The following CCDC157 variants were observed in gnomAD, a reference collection of about 807,000 sequenced individuals.
CCDC157 encodes coiled-coil domain-containing protein 157.
Under a neutral mutation model 70.9 loss-of-function variants are expected in CCDC157, and 60 were observed. That is an observed-to-expected ratio of 0.85 (90% CI 0.69 to 1.05). The LOEUF (loss-of-function observed/expected upper bound fraction) is 1.05. CCDC157 is among the 50% of genes least tolerant of loss of function. The pLI, the probability that CCDC157 is intolerant of heterozygous loss-of-function variation, is 0.00. For missense variants in CCDC157, 943 were observed against 984.2 expected (o/e 0.96, Z 0.56); for synonymous variants, 373 against 422.4 (o/e 0.88, Z 1.43).
At chr22:30,373,534 T>C in intron 7 of CCDC157, 63 bp from the exon 8 acceptor site, 1 of 1,525,786 alleles carries the variant, frequency 6.6e-7, no homozygotes, top group Non-Finnish European at 8.9e-7. Context: ...CCTCCTTAGT[T>C]CCACATGGCT....
In CCDC157 at chr22:30,370,483, G is replaced by C. The variant is rs1601734707; in HGVS notation, c.578G>C (p.Arg193Thr). The C allele has an allele frequency of 6.2e-7, 1 of 1,614,136 alleles. No individual in the cohort carries two copies. The highest frequency in any genetic ancestry group is 2.2e-5 in the East Asian group (1 of 44,894). Residue 193 changes from arginine to threonine, a missense_variant, in exon 5 of 12, where the codon AGA (arginine) becomes ACA (threonine). By Grantham distance (71) the Arg-to-Thr change is moderately conservative. Coordinates refer to ENST00000338306, the MANE Select transcript of CCDC157 (RefSeq NM_001017437.5). ...CAAGAGCCAGAGAGCATCCCTGTCA[G>C]AGCCTCCCTGCAGTTCCCAGCCACG... The part of the protein sequence containing the change: ...TCQEPESIPV[R>T]ASLQFPATTF...
Position 30,370,709 on chromosome 22 carries a change from G to T in CCDC157, c.804G>T (p.Pro268=). The change falls in exon 5 of 12, where the codon CCG becomes CCT. Residue 268 remains proline, a synonymous_variant. Transcript: ENST00000338306. ...VQDSMGLRPL[P]AATVGRWAAE... The stretch of plus-strand genomic sequence containing the variant: ...ACAGCATGGGGCTCAGGCCACTGCC[G>T]GCTGCCACCGTGGGCCGCTGGGCAG... 1.9e-6 allele frequency: 3 copies of T among 1,613,374 alleles called. No individual in the cohort carries two copies. Among genetic ancestry groups the T allele is most frequent in the Admixed American group, 1.7e-5 (1 of 59,984 alleles).
Position 30,372,231 on chromosome 22 carries a change from G to T in CCDC157, c.1280G>T (p.Ser427Ile). Residue 427 changes from serine to isoleucine, a missense_variant, in exon 7 of 12, where the codon AGC becomes ATC. Physicochemically the swap from Ser to Ile is moderately radical, Grantham distance 142 (BLOSUM62 -2). Coordinates refer to ENST00000338306, the MANE Select transcript of CCDC157 (RefSeq NM_001017437.5). ...EGAGQQVCWA[S>I]TELDKEKARV... ...GCTGGCCAGCAGGTCTGCTGGGCCA[G>T]CACGGAGCTGGATAAGGAGAAGGCC... The T allele has an allele frequency of 6.3e-7, 1 of 1,593,660 alleles. No individual in the cohort carries two copies. Among genetic ancestry groups the T allele is most frequent in the South Asian group, 1.1e-5 (1 of 87,906 alleles).
chr22:30,362,369 C>T (rs941425035), intron 2 of CCDC157, among the ~76,000 whole-genome samples: 10 of 152,218 alleles, frequency 6.6e-5, no homozygotes, highest in Non-Finnish European at 1.3e-4. Flanking sequence ...CAGGGAACCT[C>T]GCCCGGCCTG....
upstream of CCDC157, chr22:30,356,688 G>A (rs1931870197): frequency 4.9e-6 from 7 of 1,416,574 alleles, 1 homozygote; most frequent in Middle Eastern, 1.8e-4. Context: ...GAGCGCCCAG[G>A]CCAACCCTCC....
At position 30,370,953 on chromosome 22, in the gene CCDC157, C is replaced by G; in HGVS notation, c.1045+3C>G. The G allele has an allele frequency of 2.5e-6, 4 of 1,604,862 alleles. No individual in the cohort carries two copies. The highest frequency in any genetic ancestry group is 1.1e-5 in the South Asian group (1 of 90,010). On this transcript the variant is annotated splice_donor_region_variant and intron_variant, in intron 5 of 11. Transcript: ENST00000338306. ...CGACAAACAGCAGCTGCTCACAGGT[C>G]TGTGCCCCAGAGGCCAGACGCCTGG...
In CCDC157 at chr22:30,369,920, A is replaced by G. The variant is rs1359856697; in HGVS notation, c.420+317A>G. On this transcript the variant is annotated intron_variant, in intron 4 of 11. Coordinates refer to ENST00000338306, the MANE Select transcript of CCDC157 (RefSeq NM_001017437.5). Reference sequence around the variant, plus strand: ...CCCTGTTTGTTATGGGCTATCCCGTAATCCACACAACCACCCACTGGGGAA... The same window carrying G: ...CCCTGTTTGTTATGGGCTATCCCGTGATCCACACAACCACCCACTGGGGAA... The G allele has an allele frequency of 5.5e-5, 25 of 457,092 alleles. No individual in the cohort carries two copies. The East Asian group carries it at 8.9e-4, about 16-fold the overall frequency. The allele number at this position is 457,092 out of a possible 1,614,324, so 28.3% of individuals were successfully genotyped here.
chr22:30,366,172 C>T lies in CCDC157; in HGVS notation c.172C>T (p.His58Tyr). 1 of 1,613,722 alleles carries T rather than the reference C, an allele frequency of 6.2e-7. No homozygotes were observed. Residue 58 changes from histidine (H) to tyrosine (Y), a missense_variant, in exon 3 of 12, where the codon CAC (histidine) becomes TAC (tyrosine). Transcript: ENST00000338306. The stretch of plus-strand genomic sequence containing the variant: ...CCTCGACATGGTGGCCCTGCTGGAG[C>T]ACTATGACCATGTTCCGGGTGACCC... The part of the protein sequence containing the change: ...CDLDMVALLE[H>Y]YDHVPGDPEF...
At position 30,376,720 on chromosome 22, in the gene CCDC157, A is replaced by G. The variant is rs1233427619; in HGVS notation, c.2234A>G (p.His745Arg). The G allele has an allele frequency of 1.2e-6, 2 of 1,612,718 alleles. No homozygotes were observed. Among genetic ancestry groups the G allele is most frequent in the Non-Finnish European group, 1.7e-6 (2 of 1,179,702 alleles). Residue 745 changes from histidine to arginine, a missense_variant, in exon 12 of 12, where the codon CAC becomes CGC. Transcript: ENST00000338306. ...SPGRGQASSA[H>R]QPQERPM ...GGCCGGGGACAGGCCAGCTCTGCAC[A>G]CCAGCCCCAGGAGCGGCCCATGTAG...
chr22:30,363,638 T>C (rs1273240041), intron 2 of CCDC157, among the ~76,000 whole-genome samples: 1 of 151,810 alleles, frequency 6.6e-6, no homozygotes, highest in East Asian at 1.9e-4. Flanking sequence ...TAGTGATCTA[T>C]TGTACATTTC....
intron 1 of CCDC157, among the ~76,000 whole-genome samples, chr22:30,360,718 C>G (rs527809389): frequency 5.9e-5 from 9 of 151,918 alleles, no homozygotes; most frequent in Admixed American, 1.3e-4. Context: ...TGGAGACCAG[C>G]CTGACCAATA....
intron 3 of CCDC157, 90 bp from the exon 4 acceptor site, chr22:30,369,342 C>T (rs148102283): frequency 8.4e-7 from 1 of 1,195,708 alleles, no homozygotes; most frequent in Non-Finnish European, 1.1e-6. Flanking sequence ...ATGCCTGGGC[C>T]AGTTCCCCAG....
chr22:30,358,542 G>A (rs966250115), intron 1 of CCDC157, among the ~76,000 whole-genome samples: 33 of 152,308 alleles, frequency 2.2e-4, no homozygotes, highest in African/African-American at 7.0e-4. Flanking sequence ...AGAGTTTCCC[G>A]TGTTTTCATG....
chr22:30,373,330 C>A, intron 7 of CCDC157: 1 of 489,416 alleles, frequency 2.0e-6, no homozygotes, highest in South Asian at 2.5e-5. Context: ...GGGGGTGAGA[C>A]CCCCAGAGCC....
chr22:30,369,970 G>A (rs973044114), intron 4 of CCDC157: 15 of 466,730 alleles, frequency 3.2e-5, no homozygotes, highest in African/African-American at 7.7e-5. Context: ...ATGATGGGAA[G>A]GAAACTAAAA....
At chr22:30,375,194 T>C (rs1217361443) in intron 9 of CCDC157, 1 of 344,534 alleles carries the variant, frequency 2.9e-6, no homozygotes, top group African/African-American at 2.2e-5. Flanking sequence ...CTTGACTTAA[T>C]GATCCCCTGA....
intron 6 of CCDC157, 142 bp from the exon 7 acceptor site, chr22:30,371,933 C>G (rs1932968114): frequency 1.3e-6 from 1 of 753,614 alleles, no homozygotes; most frequent in Admixed American, 2.8e-5. Context: ...ATTTTCCAAA[C>G]CCACCTCAGG....
intron 2 of CCDC157, among the ~76,000 whole-genome samples, chr22:30,364,628 C>T (rs1293295052): frequency 1.3e-5 from 2 of 151,982 alleles, no homozygotes; most frequent in African/African-American, 4.8e-5. Context: ...CATGGAGAAA[C>T]TCTATCTCTA....
At chr22:30,374,954 CTTTTTTTTTTTTTTT>C (rs10611353) in intron 9 of CCDC157, 2 of 201,730 alleles carry the variant, frequency 9.9e-6, no homozygotes, top group Middle Eastern at 1.8e-3. Flanking sequence ...TTTGCTAAGT[CTTTTTTTTTTTTTTT>C]TTTTTTTTGA....
Sources: gnomAD v4.1 joint callset for allele counts (sites outside exome capture counted in the v4.1 genomes callset) on GRCh38, gnomAD v4.1.1 for gene constraint, MANE v1.5 for transcripts, NCBI Gene and HGNC (gene_info 2026-07-23, HGNC 2026-07-21) for gene names.